Variants in SRGAP1 observed in about 807,000 individuals in gnomAD.
The protein encoded by SRGAP1 is SLIT-ROBO Rho GTPase-activating protein 1.
In SRGAP1, 43 loss-of-function variants were observed where a neutral mutation model predicts 121.9. The ratio of observed to expected loss-of-function variants is 0.35; its 90% confidence interval spans 0.28 to 0.46. SRGAP1 has a LOEUF of 0.46. Among genes scored for constraint, SRGAP1 ranks in the 20% least tolerant of loss-of-function variants. The pLI, the probability that SRGAP1 is intolerant of heterozygous loss-of-function variation, is 1.00. For missense variants in SRGAP1, 1,102 were observed against 1,350.9 expected, an observed-to-expected ratio of 0.82 and a Z score of 2.89; for synonymous variants, 447 against 485.4, an observed-to-expected ratio of 0.92 and a Z score of 1.04.
intron 4 of SRGAP1, among the ~76,000 whole-genome samples, chr12:64,025,665 T>A (rs1040225560): frequency 1.2e-4 from 18 of 152,150 alleles, no homozygotes; most frequent in Non-Finnish European, 2.1e-4. Context: ...AAAACTTTTT[T>A]AAAAACACTC....
intron 10 of SRGAP1, among the ~76,000 whole-genome samples, chr12:64,083,048 A>G (rs1358956808): frequency 6.6e-6 from 1 of 152,146 alleles, no homozygotes; most frequent in Non-Finnish European, 1.5e-5. Flanking sequence ...CCACCTTTTA[A>G]CTCAACCATT....
intron 1 of SRGAP1, among the ~76,000 whole-genome samples, chr12:63,865,029 G>A (rs1031043830): frequency 2.2e-4 from 34 of 151,996 alleles, no homozygotes; most frequent in African/African-American, 8.0e-4. Flanking sequence ...GTATTACATT[G>A]GTGCAAAAGT....
chr12:64,016,848 G>A, intron 3 of SRGAP1, 102 bp from the exon 4 acceptor site: 1 of 637,338 alleles, frequency 1.6e-6, no homozygotes, highest in Non-Finnish European at 2.6e-6. Context: ...ACAGAGGCTT[G>A]CTGTCTTTCT....
intron 8 of SRGAP1, 80 bp downstream of exon 8, chr12:64,065,299 A>G: frequency 8.1e-7 from 1 of 1,237,546 alleles, no homozygotes; most frequent in Non-Finnish European, 1.1e-6. Context: ...ACTTGGGCAT[A>G]TTTAATATTC....
At position 64,160,119 on chromosome 12, in the gene SRGAP1, C is replaced by T. The variant is rs1487253373; in HGVS notation, c.*17447C>T. The T allele has an allele frequency of 6.6e-6, 1 of 152,150 alleles. No homozygotes were observed. Among genetic ancestry groups the T allele is most frequent in the Non-Finnish European group, 1.5e-5 (1 of 68,032 alleles). The allele number at this position is 152,150 out of a possible 1,614,324, so 9.4% of individuals were successfully genotyped here. A position where few individuals can be genotyped will look rare whatever the true frequency, so the allele number is the denominator to read the frequency against. ...ATCCATCACTTAAAGAGGCATTTGACCTGTTTCAGTATGGATAAGTTGTTC... is the reference window on the plus strand; with the variant it reads ...ATCCATCACTTAAAGAGGCATTTGATCTGTTTCAGTATGGATAAGTTGTTC... On this transcript the variant is annotated 3_prime_UTR_variant, in exon 22 of 22. Transcript: ENST00000355086.
intron 1 of SRGAP1, among the ~76,000 whole-genome samples, chr12:63,957,544 A>G (rs2032508959): frequency 6.6e-6 from 1 of 152,176 alleles, no homozygotes; most frequent in African/African-American, 2.4e-5. Flanking sequence ...CCTGTCTAAG[A>G]TGCTCTAGGA....
At chr12:63,845,682 C>T (rs545912072) in intron 1 of SRGAP1, among the ~76,000 whole-genome samples, 1 of 152,146 alleles carries the variant, frequency 6.6e-6, no homozygotes, top group Non-Finnish European at 1.5e-5. Flanking sequence ...TATTTTCTCT[C>T]CAATACAAGT....
At position 64,143,780 on chromosome 12, in the gene SRGAP1, TA is replaced by T. The variant is rs766859474; in HGVS notation, c.*1122del. On this transcript the variant is annotated 3_prime_UTR_variant, in exon 22 of 22. Transcript: ENST00000355086. ...CAGCATAGTGTGAGACCCTGTCTCT[TA>T]AAAAAAAAAAAAATGCTACAAAGTC... 769 of 143,958 alleles carry T rather than the reference TA, an allele frequency of 5.3e-3. No homozygotes were observed. Among genetic ancestry groups the T allele is most frequent in the Middle Eastern group, 0.011 (3 of 280 alleles). The allele number at this position is 143,958 out of a possible 1,614,324, so 8.9% of individuals were successfully genotyped here.
At chr12:63,906,812 A>G (rs910484527) in intron 1 of SRGAP1, among the ~76,000 whole-genome samples, 2 of 152,116 alleles carry the variant, frequency 1.3e-5, no homozygotes, top group Non-Finnish European at 2.9e-5. Context: ...AATACTGTTT[A>G]GGCATGTAAA....
chr12:63,872,352 G>A (rs1241391724), intron 1 of SRGAP1, among the ~76,000 whole-genome samples: 1 of 152,140 alleles, frequency 6.6e-6, no homozygotes, highest in Non-Finnish European at 1.5e-5. Flanking sequence ...GTGCATCCAT[G>A]AAAGCTCTGA....
intron 1 of SRGAP1, among the ~76,000 whole-genome samples, chr12:63,976,747 A>G (rs1293453965): frequency 6.6e-6 from 1 of 152,168 alleles, no homozygotes; most frequent in Non-Finnish European, 1.5e-5. Flanking sequence ...ATTGTTTTAT[A>G]AAATGAAATT....
chr12:64,025,446 A>C (rs1487439815), intron 4 of SRGAP1, among the ~76,000 whole-genome samples: 1 of 152,188 alleles, frequency 6.6e-6, no homozygotes, highest in Non-Finnish European at 1.5e-5. Flanking sequence ...AGTGGGGGTT[A>C]CGTATTTGTT....
At chr12:63,867,368 T>C (rs1899672446) in intron 1 of SRGAP1, among the ~76,000 whole-genome samples, 1 of 152,204 alleles carries the variant, frequency 6.6e-6, no homozygotes, top group East Asian at 1.9e-4. Context: ...TACTTGTTTT[T>C]CTTTTTGATT....
chr12:64,008,067 A>G (rs1434543246), intron 3 of SRGAP1, among the ~76,000 whole-genome samples: 4 of 152,208 alleles, frequency 2.6e-5, no homozygotes. Context: ...AGTATGTGCC[A>G]GACACTCTGT....
intron 1 of SRGAP1, among the ~76,000 whole-genome samples, chr12:63,846,105 AG>A (rs1898893838): frequency 1.3e-5 from 2 of 152,126 alleles, no homozygotes; most frequent in Non-Finnish European, 2.9e-5. Flanking sequence ...TATCTTTAGG[AG>A]GACCCCTATA....
intron 21 of SRGAP1, among the ~76,000 whole-genome samples, chr12:64,137,960 A>AT (rs1565697503): frequency 0.01 from 1,383 of 137,820 alleles, 21 homozygotes; most frequent in African/African-American, 0.036. Context: ...CTTAAAAAAA[A>AT]AATATATATA....
intron 2 of SRGAP1, among the ~76,000 whole-genome samples, chr12:63,986,180 C>T (rs2033408827): frequency 6.6e-6 from 1 of 151,466 alleles, no homozygotes; most frequent in Non-Finnish European, 1.5e-5. Context: ...CTCCCTTTCT[C>T]TCTTCTCTCT....
intron 18 of SRGAP1, 32 bp from the exon 19 acceptor site, chr12:64,125,945 T>C: frequency 6.2e-7 from 1 of 1,604,404 alleles, no homozygotes; most frequent in Non-Finnish European, 8.5e-7. Flanking sequence ...AACAACCCTG[T>C]TTCTCGCTGT....
At chr12:64,061,120 T>C (rs2035443238) in intron 6 of SRGAP1, among the ~76,000 whole-genome samples, 1 of 152,214 alleles carries the variant, frequency 6.6e-6, no homozygotes, top group Admixed American at 6.5e-5. Context: ...TATGCTTTTT[T>C]TCAAGTCATA....
Sources: gnomAD v4.1 joint callset for allele counts (sites outside exome capture counted in the v4.1 genomes callset) on GRCh38, gnomAD v4.1.1 for gene constraint, MANE v1.5 for transcripts, NCBI Gene and HGNC (gene_info 2026-07-23, HGNC 2026-07-21) for gene names.